ATR: variants seen among roughly 807,000 people sequenced by gnomAD.
ATR encodes the protein ATR checkpoint kinase, also known as serine/threonine-protein kinase ATR.
A neutral mutation model predicts 305.3 loss-of-function variants in ATR; 142 were observed. The observed-to-expected ratio is 0.47, with a 90% CI of 0.41 to 0.53. The LOEUF (loss-of-function observed/expected upper bound fraction) is 0.53. ATR is among the 20% of genes least tolerant of loss of function. The pLI is 0.00. For synonymous variants in ATR, 1,050 were observed against 1,068.1 expected (o/e 0.98, Z 0.33); for missense variants, 2,135 against 3,133.1 (o/e 0.68, Z 7.60).
chr3:142,547,882 A>G lies in ATR; in HGVS notation c.3200T>C (p.Leu1067Pro), dbSNP rs2108451766. The G allele has an allele frequency of 6.2e-7, 1 of 1,613,970 alleles. No homozygotes were observed. The highest frequency in any genetic ancestry group is 8.5e-7 in the Non-Finnish European group (1 of 1,179,944). ...CAATCCTTGGAAATCTTGTCTCAAC[A>G]GGCTCCCCAGTTCAATTTCTGTTTC... ...KNETEIELGSLLRQDFQGLHN... is the reference protein window; with the variant it reads ...KNETEIELGSPLRQDFQGLHN... Residue 1067 changes from leucine (L) to proline (P), a missense_variant, in exon 16 of 47, where the codon CTG becomes CCG. By Grantham distance (98) the Leu-to-Pro change is moderately conservative. Transcript: ENST00000350721.
At chr3:142,462,291 A>G (rs1297846234) in intron 41 of ATR, among the ~76,000 whole-genome samples, 1 of 152,178 alleles carries the variant, frequency 6.6e-6, no homozygotes. Flanking sequence ...ACAGATTATT[A>G]AAAATGTCCT....
At chr3:142,507,234 C>T (rs2032297037) in intron 28 of ATR, among the ~76,000 whole-genome samples, 2 of 151,970 alleles carry the variant, frequency 1.3e-5, no homozygotes, top group African/African-American at 2.4e-5. Flanking sequence ...ACTGTATTCG[C>T]CTCACCTGCT....
At chr3:142,528,230 T>C (rs779497498) in intron 21 of ATR, among the ~76,000 whole-genome samples, 3 of 152,230 alleles carry the variant, frequency 2.0e-5, no homozygotes. Flanking sequence ...ATATTCACAA[T>C]AGCTACTTTA....
At chr3:142,521,083 T>C in intron 23 of ATR, among the ~76,000 whole-genome samples, 1 of 152,306 alleles carries the variant, frequency 6.6e-6, no homozygotes, top group South Asian at 2.1e-4. Flanking sequence ...TATATGCGTC[T>C]ACTATATACC....
intron 44 of ATR, 56 bp from the exon 45 acceptor site, chr3:142,457,811 A>C: frequency 5.1e-6 from 8 of 1,581,226 alleles, no homozygotes; most frequent in Non-Finnish European, 6.9e-6. Flanking sequence ...AAAAATCTTT[A>C]CTCAAAGAAC....
At chr3:142,464,920 G>A (rs1054250046) in intron 41 of ATR, among the ~76,000 whole-genome samples, 177 bp downstream of exon 41, 8 of 152,064 alleles carry the variant, frequency 5.3e-5, no homozygotes, top group African/African-American at 1.9e-4. Context: ...AAATGAAAAA[G>A]ACTTTATATT....
intron 28 of ATR, among the ~76,000 whole-genome samples, chr3:142,506,586 C>T (rs982673102): frequency 6.6e-6 from 1 of 152,070 alleles, no homozygotes; most frequent in African/African-American, 2.4e-5. Flanking sequence ...GCTCGGGAGG[C>T]TGAGGTGTGA....
intron 10 of ATR, among the ~76,000 whole-genome samples, chr3:142,554,263 C>T (rs1184666310): frequency 6.6e-6 from 1 of 152,034 alleles, no homozygotes; most frequent in Non-Finnish European, 1.5e-5. Context: ...CTCTGTCACC[C>T]AGGCTGGAGT....
intron 36 of ATR, among the ~76,000 whole-genome samples, chr3:142,478,188 T>C (rs540337415): frequency 2.3e-4 from 35 of 152,358 alleles, no homozygotes; most frequent in African/African-American, 7.7e-4. Context: ...TGTTAGGGTG[T>C]CAATTTTAAA....
rs770070899 is a variant in ATR at position 142,457,793 on chromosome 3, T to C, written c.7504-38A>G. ...ACATTTTATTACAAACTAACAATGT[T>C]AGAATTTAAAAATCTTTACTCAAAG... is the stretch of plus-strand genomic sequence containing the variant. On this transcript the variant is annotated intron_variant, in intron 44 of 46. Coordinates refer to ENST00000350721, the MANE Select transcript of ATR (RefSeq NM_001184.4). 5.0e-6 allele frequency: 8 copies of C among 1,605,902 alleles called. No homozygotes were observed. The African/African-American group carries it at 9.4e-5, about 19-fold the overall frequency.
intron 36 of ATR, among the ~76,000 whole-genome samples, chr3:142,476,915 G>T (rs749109441): frequency 2.0e-5 from 3 of 152,180 alleles, no homozygotes; most frequent in Admixed American, 2.0e-4. Flanking sequence ...TGGTGTATAA[G>T]TATGCTTGTG....
Position 142,560,473 on chromosome 3 carries a change from T to C in ATR, c.1350-19A>G. On this transcript the variant is annotated intron_variant, in intron 5 of 46. Coordinates refer to ENST00000350721, the MANE Select transcript of ATR (RefSeq NM_001184.4). ...TTTAATTCTATAATTATGAATATAG[T>C]AGAGAGATATTCATATGCAATATAA... 6.4e-7 allele frequency: 1 copy of C among 1,559,692 alleles called. No homozygotes were observed. The highest frequency in any genetic ancestry group is 8.8e-7 in the Non-Finnish European group (1 of 1,131,074).
chr3:142,458,000 G>T (rs1042424609), intron 44 of ATR, among the ~76,000 whole-genome samples: 2 of 152,146 alleles, frequency 1.3e-5, no homozygotes, highest in Non-Finnish European at 2.9e-5. Flanking sequence ...CTTTCACTGA[G>T]TTTAGTACAG....
Position 142,561,542 on chromosome 3 carries a change from A to G in ATR, c.1171-121T>C, listed in dbSNP as rs59380614. The G allele has an allele frequency of 3.3e-3, 3,081 of 941,658 alleles. 68 individuals are homozygous for G. In the African/African-American group the frequency reaches 0.043, roughly 13 times the overall value. 58.3% of individuals were successfully genotyped at this position (941,658 alleles called of 1,614,324 possible). On this transcript the variant is annotated intron_variant, in intron 4 of 46. Transcript: ENST00000350721. ...CTAGTGAAACTACTTTTAGAGTCTC[A>G]TAAAGCAAAATAAACATCTAAATTG...
At chr3:142,483,393 C>T (rs746281187) in intron 36 of ATR, among the ~76,000 whole-genome samples, 201 of 151,930 alleles carry the variant, frequency 1.3e-3, no homozygotes, top group Non-Finnish European at 2.1e-3. Context: ...TATAATACAC[C>T]GATATATGAA....
rs1385151815 is a variant in ATR, at chr3:142,559,309, G to A, written c.1674C>T (p.Asp558=). Reference sequence around the variant, plus strand: ...CCACCTTATCAATGGTTGCCTCCAGGTCCAGTTTCTGAACAGATTCTAACA... The same window carrying A: ...CCACCTTATCAATGGTTGCCTCCAGATCCAGTTTCTGAACAGATTCTAACA... ...RSLLESVQKL[D]LEATIDKVVK... The change falls in exon 7 of 47, where the codon GAC becomes GAT. Residue 558 remains aspartate, a synonymous_variant. Transcript: ENST00000350721. The A allele has an allele frequency of 6.2e-7, 1 of 1,613,960 alleles. No individual in the cohort carries two copies. The highest frequency in any genetic ancestry group is 1.1e-5 in the South Asian group (1 of 91,082).
chr3:142,520,738 G>A (rs1318502934), intron 23 of ATR, among the ~76,000 whole-genome samples: 1 of 152,068 alleles, frequency 6.6e-6, no homozygotes, highest in Non-Finnish European at 1.5e-5. Context: ...AACCCAAAAA[G>A]TTTGAAGCAA....
chr3:142,550,331 T>A, intron 13 of ATR, 29 bp from the exon 14 acceptor site: 2 of 1,608,084 alleles, frequency 1.2e-6, no homozygotes, highest in Non-Finnish European at 1.7e-6. Context: ...TATTGTGAGT[T>A]TTCACACAAA....
chr3:142,468,174 T>G, intron 38 of ATR, 106 bp from the exon 39 acceptor site: 1 of 1,324,078 alleles, frequency 7.6e-7, no homozygotes, highest in South Asian at 1.3e-5. Flanking sequence ...ATGATGAGAG[T>G]TTATATGATA....
Sources: allele counts gnomAD v4.1 joint callset (sites outside exome capture counted in the v4.1 genomes callset), GRCh38; gene constraint gnomAD v4.1.1; transcripts MANE v1.5; gene names NCBI Gene and HGNC (gene_info 2026-07-23, HGNC 2026-07-21).